Variants in ASAH2 observed in about 807,000 individuals in gnomAD.
ASAH2 encodes the protein neutral ceramidase.
A neutral mutation model predicts 82.9 loss-of-function variants in ASAH2; 58 were observed. The ratio of observed to expected loss-of-function variants is 0.70; its 90% confidence interval spans 0.57 to 0.87. ASAH2 has a LOEUF of 0.87. Ranked by LOEUF, ASAH2 falls within the 40% of genes least tolerant of loss-of-function variation. The pLI, the probability that ASAH2 is intolerant of heterozygous loss-of-function variation, is 0.00. For missense variants in ASAH2, 779 were observed against 834.0 expected, an observed-to-expected ratio of 0.93 and a Z score of 0.81; for synonymous variants, 276 against 289.7, an observed-to-expected ratio of 0.95 and a Z score of 0.48.
chr10:50,236,174 A>G, intron 4 of ASAH2, 110 bp from the exon 5 acceptor site: 1 of 947,832 alleles, frequency 1.1e-6, no homozygotes, highest in South Asian at 1.3e-5. Context: ...CATCTGTATT[A>G]GTCCATTCTC....
intron 7 of ASAH2, among the ~76,000 whole-genome samples, chr10:50,226,382 C>A (rs992830998): frequency 1.3e-5 from 2 of 152,066 alleles, no homozygotes; most frequent in African/African-American, 4.8e-5. Flanking sequence ...ATGTAACAAA[C>A]TTTTAATAGA....
rs989570392 is a variant in ASAH2, at chr10:50,228,798, C to T, written c.893+4386G>A. Among the ~76,000 whole-genome samples the T allele has an allele frequency of 5.3e-5, 8 of 149,864 alleles. No homozygotes were observed. The East Asian group carries it at 7.9e-4, about 15-fold the overall frequency. Reference sequence around the variant, plus strand: ...GGAAGAAGAGGAGGAGGAGGAGAAGCGGGATGAGGAGCAAGGAGGAGGAAG... The same window carrying T: ...GGAAGAAGAGGAGGAGGAGGAGAAGTGGGATGAGGAGCAAGGAGGAGGAAG... On this transcript the variant is annotated intron_variant, in intron 7 of 20. Transcript: ENST00000682911.
chr10:50,243,517 G>T (rs1469470025), intron 3 of ASAH2, among the ~76,000 whole-genome samples, 166 bp from the exon 4 acceptor site: 2 of 152,158 alleles, frequency 1.3e-5, no homozygotes, highest in Non-Finnish European at 2.9e-5. Flanking sequence ...AAAAGAAAAA[G>T]GAACAAAGAA....
At chr10:50,201,877 A>G (rs1323436563) in intron 16 of ASAH2, among the ~76,000 whole-genome samples, 2 of 152,174 alleles carry the variant, frequency 1.3e-5, no homozygotes, top group African/African-American at 4.8e-5. Context: ...TAAAATAGCA[A>G]TAAGAGTAAA....
intron 7 of ASAH2, among the ~76,000 whole-genome samples, chr10:50,221,957 G>A (rs945387007): frequency 1.3e-5 from 2 of 152,108 alleles, no homozygotes; most frequent in Admixed American, 1.3e-4. Context: ...GCTACGCAAA[G>A]GAATCACTAG....
rs1000122904 is a variant in ASAH2 at position 50,238,963 on chromosome 10, T to C, written c.511-2899A>G. 3.3e-4 allele frequency among the ~76,000 whole-genome samples: 51 copies of C among 152,294 alleles called. 1 individual carries two copies. Among genetic ancestry groups the C allele is most frequent in the Non-Finnish European group, 2.9e-4 (20 of 68,010 alleles). The stretch of plus-strand genomic sequence containing the variant: ...TAGTCATATAACAATGCCAGGAAGA[T>C]AACCATTAAAAATAACGTGTTTCCC... On this transcript the variant is annotated intron_variant, in intron 4 of 20. Coordinates refer to ENST00000682911, the MANE Select transcript of ASAH2 (RefSeq NM_019893.4).
chr10:50,214,755 A>G lies in ASAH2; in HGVS notation c.1128T>C (p.Cys376=). The G allele has an allele frequency of 6.2e-7, 1 of 1,613,776 alleles. No homozygotes were observed. The highest frequency in any genetic ancestry group is 1.3e-5 in the African/African-American group (1 of 75,050). The part of the protein sequence containing the change: ...GESCDNANST[C]PIGGPSMCIA... ...CATAATTACCTACCCCACCAATGGG[A>G]CAAGTGCTATTGGCGTTATCACAGG... Residue 376 remains cysteine (C), a synonymous_variant, in exon 9 of 21, where the codon TGT becomes TGC. Coordinates refer to ENST00000682911, the MANE Select transcript of ASAH2 (RefSeq NM_019893.4).
At chr10:50,233,063 T>G (rs1428049094) in intron 7 of ASAH2, 121 bp downstream of exon 7, 3 of 856,222 alleles carry the variant, frequency 3.5e-6, no homozygotes, top group Non-Finnish European at 6.0e-6. Flanking sequence ...CTTCAGAACC[T>G]GGACTCTTAA....
Position 50,243,247 on chromosome 10 carries a change from A to T in ASAH2, c.465T>A (p.Phe155Leu). The T allele has an allele frequency of 6.2e-7, 1 of 1,614,144 alleles. No individual in the cohort carries two copies. Among genetic ancestry groups the T allele is most frequent in the Non-Finnish European group, 8.5e-7 (1 of 1,179,990 alleles). ...AEPDGSNRTV[F>L]VSIDIGMVSQ... Reference sequence around the variant, plus strand: ...ATACCATGCCTATGTCGATGCTGACAAACACTGTTCGATTGGACCCATCAG... The same window carrying T: ...ATACCATGCCTATGTCGATGCTGACTAACACTGTTCGATTGGACCCATCAG... Residue 155 changes from phenylalanine to leucine, a missense_variant, in exon 4 of 21, where the codon TTT (phenylalanine) becomes TTA (leucine). Physicochemically the swap from Phe to Leu is conservative, Grantham distance 22. Transcript: ENST00000682911.
intron 2 of ASAH2, among the ~76,000 whole-genome samples, chr10:50,248,049 C>A (rs961224402): frequency 6.6e-6 from 1 of 152,172 alleles, no homozygotes; most frequent in African/African-American, 2.4e-5. Context: ...TAAGGATTTA[C>A]GTTTGAGACC....
intron 13 of ASAH2, among the ~76,000 whole-genome samples, chr10:50,205,725 A>G (rs1326873434): frequency 6.6e-6 from 1 of 152,010 alleles, no homozygotes; most frequent in Non-Finnish European, 1.5e-5. Context: ...ATAAATGTTC[A>G]TCTTATTCTG....
intron 2 of ASAH2, among the ~76,000 whole-genome samples, chr10:50,246,125 T>C (rs920100060): frequency 1.3e-5 from 2 of 152,208 alleles, no homozygotes; most frequent in Admixed American, 1.3e-4. Context: ...ATATTTATTA[T>C]ACACACACAT....
chr10:50,211,520 C>G (rs1185887638), intron 10 of ASAH2, among the ~76,000 whole-genome samples: 1 of 152,074 alleles, frequency 6.6e-6, no homozygotes, highest in Admixed American at 6.6e-5. Flanking sequence ...TAGGGTCTTC[C>G]TTTCAGAATA....
At chr10:50,212,670 TA>T (rs1845488236) in intron 10 of ASAH2, among the ~76,000 whole-genome samples, 1 of 152,150 alleles carries the variant, frequency 6.6e-6, no homozygotes, top group South Asian at 2.1e-4. Context: ...TTGAAAATCT[TA>T]TAGTCTATGT....
intron 13 of ASAH2, among the ~76,000 whole-genome samples, chr10:50,205,735 G>A (rs1397866904): frequency 2.0e-5 from 3 of 151,896 alleles, no homozygotes; most frequent in Non-Finnish European, 2.9e-5. Flanking sequence ...ATCTTATTCT[G>A]CCTTTCCCAC....
chr10:50,241,491 G>T (rs894022681), intron 4 of ASAH2, among the ~76,000 whole-genome samples: 2 of 152,050 alleles, frequency 1.3e-5, no homozygotes, highest in Admixed American at 1.3e-4. Context: ...CACTAGCAAA[G>T]TACCTTACAA....
At chr10:50,202,805 A>C (rs1845188367) in intron 16 of ASAH2, 24 bp downstream of exon 16, 1 of 1,479,298 alleles carries the variant, frequency 6.8e-7, no homozygotes, top group African/African-American at 1.4e-5. Context: ...AATTCATTTA[A>C]ATGATGAAAA....
In ASAH2 at chr10:50,233,287, G is replaced by A. The variant is rs1846062663; in HGVS notation, c.816-26C>T. On this transcript the variant is annotated intron_variant, in intron 6 of 20. Transcript: ENST00000682911. Reference sequence around the variant, plus strand: ...CTAGTCAGTAAAACAGAAAAGCACAGTCAGTTCTGTGTTAGAGCCTAACCC... The same window carrying A: ...CTAGTCAGTAAAACAGAAAAGCACAATCAGTTCTGTGTTAGAGCCTAACCC... 3.3e-6 allele frequency: 5 copies of A among 1,518,258 alleles called. No individual in the cohort carries two copies. The African/African-American group carries it at 4.1e-5, about 12-fold the overall frequency. The allele number at this position is 1,518,258 out of a possible 1,614,324, so 94.0% of individuals were successfully genotyped here.
At chr10:50,198,782 G>C (rs1295723322) in intron 17 of ASAH2, among the ~76,000 whole-genome samples, 1 of 152,024 alleles carries the variant, frequency 6.6e-6, no homozygotes, top group Non-Finnish European at 1.5e-5. Flanking sequence ...TGTAAAAATA[G>C]TGAGAAAATA....
Sources: allele counts gnomAD v4.1 joint callset (sites outside exome capture counted in the v4.1 genomes callset), GRCh38; gene constraint gnomAD v4.1.1; transcripts MANE v1.5; gene names NCBI Gene and HGNC (gene_info 2026-07-23, HGNC 2026-07-21).